ATP13A3: variants seen among roughly 807,000 people sequenced by gnomAD.
The protein encoded by ATP13A3 is ATPase 13A3.
ATP13A3 carries 59 observed loss-of-function variants against 158.1 expected under a neutral mutation model. That is an observed-to-expected ratio of 0.37 (90% confidence interval 0.30 to 0.46). ATP13A3 has a LOEUF of 0.46. Among genes scored for constraint, ATP13A3 ranks in the 20% least tolerant of loss-of-function variants. ATP13A3 has a pLI of 1.00. For missense variants in ATP13A3, 1,166 were observed against 1,525.2 expected, an observed-to-expected ratio of 0.76 and a Z score of 3.92; for synonymous variants, 491 against 504.3, an observed-to-expected ratio of 0.97 and a Z score of 0.35.
chr3:194,467,652 A>G (rs1249262481), intron 2 of ATP13A3, among the ~76,000 whole-genome samples: 1 of 152,148 alleles, frequency 6.6e-6, no homozygotes, highest in Non-Finnish European at 1.5e-5. Flanking sequence ...CAATGCGACA[A>G]CTCCAACAGC....
At chr3:194,486,418 GC>G in intron 1 of ATP13A3, 147 bp downstream of exon 1, 1 of 151,960 alleles carries the variant, frequency 6.6e-6, no homozygotes, top group Non-Finnish European at 1.5e-5. Flanking sequence ...GGCCTCACCT[GC>G]CCCCGACACT....
intron 16 of ATP13A3, among the ~76,000 whole-genome samples, chr3:194,440,969 C>T (rs1718012586): frequency 1.3e-5 from 2 of 152,190 alleles, no homozygotes; most frequent in Admixed American, 6.5e-5. Context: ...CTTTATACAC[C>T]TTTGCCTGTG....
rs1417846755 is a variant in ATP13A3, at chr3:194,494,204, C to T, written n.592G>A. The T allele has an allele frequency of 7.5e-6, 3 of 398,542 alleles. No homozygotes were observed. Among genetic ancestry groups the T allele is most frequent in the East Asian group, 3.6e-5 (1 of 28,090 alleles). The allele number at this position is 398,542 out of a possible 1,614,324, so 24.7% of individuals were successfully genotyped here. On this transcript the variant is annotated non_coding_transcript_exon_variant, in exon 2 of 33. Transcript: ENST00000687055. The surrounding 1 kb of genome is among the most constrained non-coding windows in gnomAD (Gnocchi z 4.2). ...GTTTAAGCACCCAGACTTCCACCTC[C>T]TCATGAGCCAGGACCTTCCTCAGCC...
chr3:194,423,223 G>T (rs1179154325), intron 30 of ATP13A3, among the ~76,000 whole-genome samples: 1 of 151,598 alleles, frequency 6.6e-6, no homozygotes, highest in Admixed American at 6.5e-5. Flanking sequence ...TAACCACACA[G>T]ACTGAAGTTA....
chr3:194,421,132 A>ATACAC (rs1716282556), intron 30 of ATP13A3, among the ~76,000 whole-genome samples: 1 of 16,148 alleles, frequency 6.2e-5, no homozygotes. Flanking sequence ...ATATATATAT[A>ATACAC]TATAGTATAT....
chr3:194,406,317 C>A (rs1030008917), intron 33 of ATP13A3, among the ~76,000 whole-genome samples: 2 of 152,080 alleles, frequency 1.3e-5, no homozygotes, highest in African/African-American at 4.8e-5. Context: ...GAAATCCCAG[C>A]ATCTTGGGAG....
At chr3:194,424,669 T>A (rs1716627858) in intron 30 of ATP13A3, among the ~76,000 whole-genome samples, 1 of 152,370 alleles carries the variant, frequency 6.6e-6, no homozygotes, top group East Asian at 1.9e-4. Context: ...ATTCTCAATT[T>A]TTTTTAATTG....
chr3:194,427,611 C>T (rs146936407), intron 28 of ATP13A3, among the ~76,000 whole-genome samples: 50 of 149,288 alleles, frequency 3.3e-4, no homozygotes, highest in Middle Eastern at 6.9e-3. Flanking sequence ...CCAGCATGGG[C>T]AACATAGTGA....
rs777675868 is a variant in ATP13A3, at chr3:194,433,930, T to G, written c.2121-34A>C. 2.5e-6 allele frequency: 4 copies of G among 1,597,624 alleles called. No individual in the cohort carries two copies. The Admixed American group carries it at 6.9e-5, about 28-fold the overall frequency. On this transcript the variant is annotated intron_variant, in intron 20 of 33. Transcript: ENST00000645319. ...AAAGAAGTTTTAACACATAATGGTT[T>G]AGTCAATTGAGTAAGCAACTTATGT...
intron 2 of ATP13A3, among the ~76,000 whole-genome samples, chr3:194,483,209 A>T (rs901198181): frequency 3.3e-5 from 5 of 151,980 alleles, no homozygotes; most frequent in African/African-American, 9.7e-5. Flanking sequence ...GCCTGAGCCC[A>T]GGAACTCAAG....
At chr3:194,455,723 C>T (rs1159342404) in intron 8 of ATP13A3, among the ~76,000 whole-genome samples, 170 bp downstream of exon 8, 4 of 152,068 alleles carry the variant, frequency 2.6e-5, no homozygotes, top group African/African-American at 9.7e-5. Context: ...GAATACATGC[C>T]CCAGATTCTT....
Position 194,437,332 on chromosome 3 carries a change from C to T in ATP13A3, c.1978G>A (p.Gly660Ser), listed in dbSNP as rs768328118. ...YMKGAPEAIA[G>S]LCKPETVPVD... ...TTACCTGTTTCAGGTTTACAGAGAC[C>T]GGCAATGGCCTCGGGCGCTCCTTTC... The change falls in exon 19 of 34, where the codon GGT becomes AGT. Residue 660 changes from glycine to serine, a missense_variant. Physicochemically the swap from Gly to Ser is moderately conservative, Grantham distance 56. Transcript: ENST00000645319. 7 of 1,614,044 alleles carry T rather than the reference C, an allele frequency of 4.3e-6. No homozygotes were observed. Among genetic ancestry groups the T allele is most frequent in the Admixed American group, 3.3e-5 (2 of 59,992 alleles).
At chr3:194,413,980 G>T in intron 31 of ATP13A3, 141 bp from the exon 32 acceptor site, 1 of 694,032 alleles carries the variant, frequency 1.4e-6, no homozygotes, top group Non-Finnish European at 2.5e-6. Context: ...CCTCAACAAT[G>T]CCCCGCGGTA....
chr3:194,422,486 A>G (rs1716460126), intron 30 of ATP13A3, among the ~76,000 whole-genome samples: 1 of 152,248 alleles, frequency 6.6e-6, no homozygotes, highest in Non-Finnish European at 1.5e-5. Context: ...ATGTGAATCT[A>G]AACAAGTCAT....
At chr3:194,493,154 C>T (rs74473060) in intron 2 of ATP13A3, among the ~76,000 whole-genome samples, 1 of 148,308 alleles carries the variant, frequency 6.7e-6, no homozygotes, top group East Asian at 2.0e-4. Flanking sequence ...AAAAAAAAAT[C>T]CCCCATCCCC....
intron 31 of ATP13A3, among the ~76,000 whole-genome samples, chr3:194,419,527 T>A (rs6784093): frequency 6.6e-6 from 1 of 151,974 alleles, no homozygotes; most frequent in East Asian, 1.9e-4. Flanking sequence ...ATGAAAAGAA[T>A]TGAAGAACTA....
intron 2 of ATP13A3, among the ~76,000 whole-genome samples, chr3:194,468,686 T>C (rs550818138): frequency 3.9e-5 from 6 of 152,110 alleles, no homozygotes; most frequent in South Asian, 4.2e-4. Flanking sequence ...GTGGAGAGTG[T>C]TGAATTTTTT....
At chr3:194,431,686 C>T (rs1717233107) in intron 22 of ATP13A3, 31 bp downstream of exon 22, 1 of 1,477,930 alleles carries the variant, frequency 6.8e-7, no homozygotes, top group Admixed American at 2.5e-5. Context: ...AATCAACAAA[C>T]TTTAAAACGG....
chr3:194,410,311 A>AC (rs1715283612), intron 33 of ATP13A3, among the ~76,000 whole-genome samples: 7 of 142,130 alleles, frequency 4.9e-5, no homozygotes, highest in South Asian at 2.3e-4. Context: ...AAAAAAAAAA[A>AC]AAAAAAAAAA....
Sources: gnomAD v4.1 joint callset for allele counts (sites outside exome capture counted in the v4.1 genomes callset) on GRCh38, gnomAD v4.1.1 for gene constraint, Gnocchi (gnomAD v3.1) non-coding constraint, MANE v1.5 for transcripts, NCBI Gene and HGNC (gene_info 2026-07-23, HGNC 2026-07-21) for gene names.